Variants in CTNNA2 observed in about 807,000 individuals in gnomAD.
CTNNA2 encodes catenin alpha-2.
CTNNA2 carries 42 observed loss-of-function variants against 101.0 expected under a neutral mutation model. The observed-to-expected ratio is 0.42, with a 90% CI of 0.32 to 0.54. The LOEUF (loss-of-function observed/expected upper bound fraction) is 0.54. Among genes scored for constraint, CTNNA2 ranks in the 20% least tolerant of loss-of-function variants. CTNNA2 has a pLI of 0.14. For synonymous variants in CTNNA2, 450 were observed against 456.4 expected (o/e 0.99, Z 0.18); for missense variants, 871 against 1,223.1 (o/e 0.71, Z 4.29).
intron 1 of CTNNA2, among the ~76,000 whole-genome samples, chr2:79,596,397 G>GAGAAATATATATAATATATA (rs1677191577): frequency 6.6e-6 from 1 of 152,112 alleles, no homozygotes; most frequent in Non-Finnish European, 1.5e-5. Flanking sequence ...ATATATATAA[G>GAGAAATATATATAATATATA]TTCCCCACGA....
At chr2:80,470,875 T>C (rs145721653) in intron 9 of CTNNA2, among the ~76,000 whole-genome samples, 94 of 152,228 alleles carry the variant, frequency 6.2e-4, no homozygotes, top group African/African-American at 2.1e-3. Flanking sequence ...AAGAGTTTCA[T>C]TGAGATGAGC....
At chr2:79,442,861 T>C (rs1558667724) in intron 4 of CTNNA2, among the ~76,000 whole-genome samples, 1 of 152,106 alleles carries the variant, frequency 6.6e-6, no homozygotes, top group Admixed American at 6.6e-5. Flanking sequence ...GGGCTTGGCC[T>C]TCCTGCAGTA....
intron 1 of CTNNA2, among the ~76,000 whole-genome samples, chr2:79,612,137 T>C (rs1184097866): frequency 6.6e-6 from 1 of 152,194 alleles, no homozygotes; most frequent in African/African-American, 2.4e-5. Context: ...AACAAGTTTA[T>C]GGGTTAGTAG....
chr2:80,021,149 A>G (rs1694534126), intron 7 of CTNNA2, among the ~76,000 whole-genome samples: 1 of 151,564 alleles, frequency 6.6e-6, no homozygotes, highest in African/African-American at 2.4e-5. Flanking sequence ...CCTCCTGAGC[A>G]GCTGGGACTA....
At chr2:79,923,035 T>C (rs561314982) in intron 7 of CTNNA2, among the ~76,000 whole-genome samples, 2 of 152,232 alleles carry the variant, frequency 1.3e-5, no homozygotes, top group African/African-American at 4.8e-5. Context: ...ATCCAATCTG[T>C]AGGTATCTAC....
chr2:79,713,201 G>T (rs1050285723), intron 2 of CTNNA2, among the ~76,000 whole-genome samples: 1 of 152,162 alleles, frequency 6.6e-6, no homozygotes, highest in Admixed American at 6.5e-5. Flanking sequence ...CAGATTCTTG[G>T]TTCATTTCTC....
At chr2:80,203,290 A>G (rs1217909058) in intron 7 of CTNNA2, among the ~76,000 whole-genome samples, 1 of 152,188 alleles carries the variant, frequency 6.6e-6, no homozygotes, top group East Asian at 1.9e-4. Context: ...TTCAGTATTA[A>G]TTCAAAAGTC....
rs1674384525 is a variant in CTNNA2, at chr2:80,648,727, C to CTAA, written c.*858_*860dup. 1 of 152,028 alleles carries CTAA rather than the reference C, an allele frequency of 6.6e-6. No individual in the cohort carries two copies. Among genetic ancestry groups the CTAA allele is most frequent in the Non-Finnish European group, 1.5e-5 (1 of 68,010 alleles). The allele number at this position is 152,028 out of a possible 1,614,324, so 9.4% of individuals were successfully genotyped here. On this transcript the variant is annotated 3_prime_UTR_variant, in exon 19 of 19. Coordinates refer to ENST00000402739, the MANE Select transcript of CTNNA2 (RefSeq NM_001282597.3). ...TAGGTGTAGCTTGGAGTGCTGGTATCTAATATACCATTGTATTCACTAACT... is the reference window on the plus strand; with the variant it reads ...TAGGTGTAGCTTGGAGTGCTGGTATCTAATAATATACCATTGTATTCACTAACT...
At chr2:80,433,349 T>G (rs958356215) in intron 9 of CTNNA2, among the ~76,000 whole-genome samples, 1 of 151,868 alleles carries the variant, frequency 6.6e-6, no homozygotes, top group Admixed American at 6.6e-5. Flanking sequence ...GTGACCACTG[T>G]GGAGGGTGAA....
At position 79,448,145 on chromosome 2, in the gene CTNNA2, T is replaced by A. The variant is rs180860024; in HGVS notation, c.-134-56909T>A. Among the ~76,000 whole-genome samples, 507 of 152,208 alleles carry A rather than the reference T, an allele frequency of 3.3e-3. 3 individuals are homozygous for A. Among genetic ancestry groups the A allele is most frequent in the African/African-American group, 9.7e-3 (403 of 41,548 alleles). On this transcript the variant is annotated intron_variant, in intron 4 of 21. Coordinates refer to the CTNNA2 transcript ENST00000466387. Reference sequence around the variant, plus strand: ...AATCTAGAATTTATGGAAATAATTTTAAAAAATCTCATAACAGCTCTGATG... The same window carrying A: ...AATCTAGAATTTATGGAAATAATTTAAAAAAATCTCATAACAGCTCTGATG...
At chr2:80,440,810 A>C (rs1301022935) in intron 9 of CTNNA2, among the ~76,000 whole-genome samples, 1 of 152,184 alleles carries the variant, frequency 6.6e-6, no homozygotes, top group Non-Finnish European at 1.5e-5. Context: ...AAATTATTCC[A>C]AGTAAGTGGG....
chr2:80,021,874 T>C (rs1005740782), intron 7 of CTNNA2, among the ~76,000 whole-genome samples: 1 of 151,538 alleles, frequency 6.6e-6, no homozygotes, highest in Non-Finnish European at 1.5e-5. Flanking sequence ...AACTGAATTA[T>C]ATGTGCCATA....
At chr2:80,368,438 A>T (rs190388378) in intron 7 of CTNNA2, among the ~76,000 whole-genome samples, 163 of 152,204 alleles carry the variant, frequency 1.1e-3, no homozygotes, top group Admixed American at 1.8e-3. Context: ...CCTTTCTATA[A>T]ATTTTTACGT....
At chr2:80,484,000 A>AT (rs1031281281) in intron 9 of CTNNA2, among the ~76,000 whole-genome samples, 19 of 152,136 alleles carry the variant, frequency 1.2e-4, no homozygotes, top group African/African-American at 4.3e-4. Flanking sequence ...AAGAATACAA[A>AT]TTATTATGAG....
intron 4 of CTNNA2, among the ~76,000 whole-genome samples, chr2:79,860,218 T>C (rs1169324955): frequency 6.6e-6 from 1 of 152,188 alleles, no homozygotes; most frequent in Non-Finnish European, 1.5e-5. Context: ...CAATCTTCCT[T>C]TACCCCAGCA....
chr2:79,967,548 C>T (rs1353977362), intron 7 of CTNNA2, among the ~76,000 whole-genome samples: 1 of 152,170 alleles, frequency 6.6e-6, no homozygotes, highest in Admixed American at 6.5e-5. Flanking sequence ...GAAAACATCC[C>T]ATTTTTCTGT....
intron 3 of CTNNA2, among the ~76,000 whole-genome samples, chr2:79,345,091 T>C (rs1009520339): frequency 4.2e-5 from 4 of 95,626 alleles, no homozygotes; most frequent in African/African-American, 1.1e-4. Flanking sequence ...TATTTTATTA[T>C]GGAATGTGTT....
intron 4 of CTNNA2, among the ~76,000 whole-genome samples, chr2:79,487,449 C>T (rs999345222): frequency 6.6e-6 from 1 of 152,204 alleles, no homozygotes; most frequent in African/African-American, 2.4e-5. Flanking sequence ...CATTCTGGGA[C>T]TCTTGAGCCT....
At chr2:80,137,972 G>A (rs1239354563) in intron 7 of CTNNA2, among the ~76,000 whole-genome samples, 4 of 152,110 alleles carry the variant, frequency 2.6e-5, no homozygotes, top group East Asian at 1.9e-4. Context: ...GGTCATTCTG[G>A]TGGCATATGG....
Sources: allele counts gnomAD v4.1 joint callset (sites outside exome capture counted in the v4.1 genomes callset), GRCh38; gene constraint gnomAD v4.1.1; transcripts MANE v1.5; gene names NCBI Gene and HGNC (gene_info 2026-07-23, HGNC 2026-07-21).